Variants in ERLIN1 observed in about 807,000 individuals in gnomAD.
The protein encoded by ERLIN1 is ER lipid raft associated 1.
Under a neutral mutation model 46.9 loss-of-function variants are expected in ERLIN1, and 24 were observed. The observed-to-expected ratio is 0.51, with a 90% CI of 0.37 to 0.72. The LOEUF (loss-of-function observed/expected upper bound fraction) is 0.72. Among genes scored for constraint, ERLIN1 ranks in the 30% least tolerant of loss-of-function variants. The probability of loss-of-function intolerance (pLI) is 0.00; values close to 1 mark genes in which losing one functional copy is unlikely to be tolerated. For missense variants in ERLIN1, 293 were observed against 417.9 expected (o/e 0.70, Z 2.61); for synonymous variants, 158 against 143.2 (o/e 1.10, Z -0.74).
At chr10:100,182,565 A>G (rs2134183437) in intron 2 of ERLIN1, among the ~76,000 whole-genome samples, 1 of 152,218 alleles carries the variant, frequency 6.6e-6, no homozygotes, top group South Asian at 2.1e-4. Context: ...AACAACTTCC[A>G]CCATAAATAG....
At chr10:100,168,254 C>A (rs1425289854) in intron 6 of ERLIN1, among the ~76,000 whole-genome samples, 1 of 152,176 alleles carries the variant, frequency 6.6e-6, no homozygotes, top group African/African-American at 2.4e-5. Context: ...AACTGGCTAA[C>A]CTTTTAAGAA....
chr10:100,184,976 T>C (rs2134190891), intron 1 of ERLIN1, among the ~76,000 whole-genome samples: 2 of 152,252 alleles, frequency 1.3e-5, no homozygotes, highest in South Asian at 4.1e-4. Context: ...ACACCACTCC[T>C]GTCCCCAACT....
chr10:100,175,560 G>A (rs375654835), intron 5 of ERLIN1, among the ~76,000 whole-genome samples: 5 of 152,204 alleles, frequency 3.3e-5, no homozygotes, highest in African/African-American at 1.2e-4. Flanking sequence ...ATTTTGCTTT[G>A]TACCCTTTGG....
Position 100,167,262 on chromosome 10 carries a change from T to C in ERLIN1, c.563+86A>G, listed in dbSNP as rs192964769. ...GACACATACTCCACCCCAGAGTGTATTGTCTCACATGTTTCCTCTAGACTG... is the reference window on the plus strand; with the variant it reads ...GACACATACTCCACCCCAGAGTGTACTGTCTCACATGTTTCCTCTAGACTG... On this transcript the variant is annotated intron_variant, in intron 7 of 10. Coordinates refer to ENST00000421367, the MANE Select transcript of ERLIN1 (RefSeq NM_006459.4). 6.1e-4 allele frequency: 576 copies of C among 945,374 alleles called. 1 individual carries two copies. The African/African-American group carries it at 8.0e-3, about 13-fold the overall frequency. The allele number at this position is 945,374 out of a possible 1,614,324, so 58.6% of individuals were successfully genotyped here.
Position 100,152,121 on chromosome 10 carries a change from A to C in ERLIN1, c.*10T>G, listed in dbSNP as rs1383643757. The C allele has an allele frequency of 6.4e-7, 1 of 1,572,628 alleles. No homozygotes were observed. Among genetic ancestry groups the C allele is most frequent in the African/African-American group, 1.4e-5 (1 of 74,010 alleles). On this transcript the variant is annotated 3_prime_UTR_variant, in exon 11 of 11. Transcript: ENST00000421367. Reference sequence around the variant, plus strand: ...ACATCTTGATATGGAGAACATTTCCACCTCTTGCATCAACCTGTGCTCTCT... The same window carrying C: ...ACATCTTGATATGGAGAACATTTCCCCCTCTTGCATCAACCTGTGCTCTCT...
At chr10:100,159,186 C>G (rs917059111) in intron 8 of ERLIN1, among the ~76,000 whole-genome samples, 5 of 152,034 alleles carry the variant, frequency 3.3e-5, no homozygotes, top group Non-Finnish European at 5.9e-5. Context: ...AAAAACATAT[C>G]TAGGGATAAA....
At chr10:100,160,357 A>G (rs1395765503) in intron 8 of ERLIN1, among the ~76,000 whole-genome samples, 1 of 152,182 alleles carries the variant, frequency 6.6e-6, no homozygotes, top group African/African-American at 2.4e-5. Flanking sequence ...CTGATACATA[A>G]TGATGTGATA....
intron 8 of ERLIN1, among the ~76,000 whole-genome samples, chr10:100,160,278 A>T (rs987559434): frequency 4.6e-5 from 7 of 152,214 alleles, no homozygotes; most frequent in Admixed American, 3.3e-4. Flanking sequence ...GAAAAAAAGC[A>T]GAAACCTCAC....
intron 1 of ERLIN1, among the ~76,000 whole-genome samples, chr10:100,184,326 G>C (rs372434011): frequency 6.6e-6 from 1 of 151,960 alleles, no homozygotes; most frequent in Admixed American, 6.6e-5. Context: ...AAAATACTGG[G>C]AACATAAAAT....
chr10:100,160,940 C>T (rs541647275), intron 8 of ERLIN1, among the ~76,000 whole-genome samples: 1 of 152,310 alleles, frequency 6.6e-6, no homozygotes, highest in African/African-American at 2.4e-5. Context: ...AAGCGAGACC[C>T]TGTCTCAAAA....
intron 2 of ERLIN1, among the ~76,000 whole-genome samples, chr10:100,182,834 G>C (rs1036162429): frequency 1.1e-4 from 17 of 152,164 alleles, no homozygotes; most frequent in African/African-American, 4.1e-4. Context: ...ATAAAGAAGT[G>C]ATGGCATGAA....
chr10:100,182,482 C>T (rs1844716551), intron 2 of ERLIN1, among the ~76,000 whole-genome samples: 1 of 152,126 alleles, frequency 6.6e-6, no homozygotes. Flanking sequence ...CAAAGTCATG[C>T]CACCAACTGG....
intron 1 of ERLIN1, 54 bp downstream of exon 1, chr10:100,185,459 TG>T: frequency 7.4e-7 from 1 of 1,357,480 alleles, no homozygotes; most frequent in Non-Finnish European, 1.1e-6. Context: ...GACTCCACTC[TG>T]GAGTACCCTT....
intron 8 of ERLIN1, among the ~76,000 whole-genome samples, chr10:100,157,430 G>A (rs1395833419): frequency 6.6e-6 from 1 of 152,110 alleles, no homozygotes; most frequent in East Asian, 1.9e-4. Context: ...AGAAAGACTT[G>A]AATTACACTT....
chr10:100,157,115 AT>A (rs1843122153), intron 8 of ERLIN1, among the ~76,000 whole-genome samples: 2 of 152,230 alleles, frequency 1.3e-5, no homozygotes, highest in South Asian at 4.1e-4. Context: ...CGAAGACAAC[AT>A]AAAATAAGAA....
intron 2 of ERLIN1, among the ~76,000 whole-genome samples, chr10:100,181,739 C>G (rs968596791): frequency 1.3e-5 from 2 of 152,312 alleles, no homozygotes; most frequent in South Asian, 2.1e-4. Flanking sequence ...GTCTTGAACT[C>G]CTGACCTCAA....
At position 100,183,804 on chromosome 10, in the gene ERLIN1, T is replaced by C; in HGVS notation, c.147A>G (p.Pro49=). Residue 49 remains proline, a synonymous_variant, in exon 2 of 11, where the codon CCA becomes CCG. Coordinates refer to ENST00000421367, the MANE Select transcript of ERLIN1 (RefSeq NM_006459.4). ...TGAAAGGCAACATGATATGATAGCC[T>C]GGTCCACTGGGGCTAGTTAGTAAAG... ...GGALLTSPSG[P]GYHIMLPFIT... is the part of the protein sequence containing the mutation. The C allele has an allele frequency of 2.5e-6, 4 of 1,613,678 alleles. No homozygotes were observed. The South Asian group carries it at 4.4e-5, about 18-fold the overall frequency.
intron 2 of ERLIN1, 151 bp downstream of exon 2, chr10:100,183,605 G>T: frequency 2.0e-6 from 1 of 494,454 alleles, no homozygotes; most frequent in Non-Finnish European, 3.6e-6. Flanking sequence ...AACTTGTGTT[G>T]TAACAACTGT....
At chr10:100,156,088 G>A (rs1843066045) in intron 9 of ERLIN1, 57 bp downstream of exon 9, 1 of 1,085,440 alleles carries the variant, frequency 9.2e-7, no homozygotes, top group East Asian at 2.4e-5. Context: ...CTGAACCCTG[G>A]AGCAGAGAGG....
Sources: allele counts gnomAD v4.1 joint callset (sites outside exome capture counted in the v4.1 genomes callset), GRCh38; gene constraint gnomAD v4.1.1; transcripts MANE v1.5; gene names NCBI Gene and HGNC (gene_info 2026-07-23, HGNC 2026-07-21).